Variants in ZNF366 observed in about 807,000 individuals in gnomAD.
ZNF366 encodes the protein zinc finger protein 366, also known as dendritic cell-specific transcript protein.
ZNF366 carries 20 observed loss-of-function variants against 47.2 expected under a neutral mutation model. The ratio of observed to expected loss-of-function variants is 0.42; its 90% CI spans 0.30 to 0.62. ZNF366 has a LOEUF of 0.62. Ranked by LOEUF, ZNF366 falls within the 20% of genes least tolerant of loss-of-function variation. The probability of loss-of-function intolerance (pLI) is 0.16; values close to 1 mark genes in which losing one functional copy is unlikely to be tolerated. For synonymous variants in ZNF366, 421 were observed against 395.1 expected, an observed-to-expected ratio of 1.07 and a Z score of -0.78; for missense variants, 987 against 976.3, an observed-to-expected ratio of 1.01 and a Z score of -0.15.
intron 1 of ZNF366, among the ~76,000 whole-genome samples, chr5:72,504,832 T>G (rs1444317632): frequency 1.3e-5 from 2 of 152,252 alleles, no homozygotes; most frequent in Non-Finnish European, 2.9e-5. Context: ...ATGCCGATAG[T>G]TGTATTTAAT....
At chr5:72,448,127 C>T (rs13177417) in intron 3 of ZNF366, among the ~76,000 whole-genome samples, 48,266 of 151,984 alleles carry the variant, frequency 0.32, 8,188 homozygotes, top group East Asian at 0.38. Context: ...TCAGACAATG[C>T]TTTTTAAGTT....
chr5:72,461,384 G>C lies in ZNF366; in HGVS notation c.113C>G (p.Ala38Gly), dbSNP rs773554768. Residue 38 changes from alanine (A) to glycine (G), a missense_variant, in exon 2 of 5, where the codon GCT becomes GGT. Ala to Gly is a moderately conservative substitution (Grantham distance 60). Around this residue, in one of 3 missense-constraint regions of ZNF366, gnomAD observed 591 missense variants for 560.9 expected, o/e 1.05. Transcript: ENST00000318442. The part of the protein sequence containing the change: ...CLQPVASRGK[A>G]PQRHPFPEAL... Reference sequence around the variant, plus strand: ...TTCCGGGAAGGGGTGTCTTTGGGGAGCCTTTCCCCGAGAAGCCACTGGCTG... The same window carrying C: ...TTCCGGGAAGGGGTGTCTTTGGGGACCCTTTCCCCGAGAAGCCACTGGCTG... 8 of 1,613,774 alleles carry C rather than the reference G, an allele frequency of 5.0e-6. No individual in the cohort carries two copies. The East Asian group carries it at 1.8e-4, about 36-fold the overall frequency.
intron 1 of ZNF366, among the ~76,000 whole-genome samples, chr5:72,478,784 G>A (rs1743725623): frequency 6.6e-6 from 1 of 152,152 alleles, no homozygotes; most frequent in Non-Finnish European, 1.5e-5. Flanking sequence ...GCCATTGAAA[G>A]GGTTTGCTCA....
intron 1 of ZNF366, among the ~76,000 whole-genome samples, chr5:72,479,926 C>T (rs1432115664): frequency 6.6e-6 from 1 of 152,198 alleles, no homozygotes; most frequent in African/African-American, 2.4e-5. Flanking sequence ...ACCAAGACTT[C>T]AGCCTGAGAA....
At position 72,460,929 on chromosome 5, in the gene ZNF366, C is replaced by T. The variant is rs373921722; in HGVS notation, c.568G>A (p.Val190Met). Residue 190 changes from valine (V) to methionine (M), a missense_variant, in exon 2 of 5, where the codon GTG becomes ATG. Physicochemically the swap from Val to Met is conservative, Grantham distance 21. Coordinates refer to ENST00000318442, the MANE Select transcript of ZNF366 (RefSeq NM_152625.3). ...VHPGLMFPFF[V>M]PSSSPFPFSR... ...AAGGGGAAGGGCGAGGACGAGGGCA[C>T]GAAGAAGGGGAACATGAGGCCCGGG... is the stretch of plus-strand genomic sequence containing the variant. The T allele has an allele frequency of 9.3e-6, 15 of 1,611,236 alleles. No individual in the cohort carries two copies. The Admixed American group carries it at 1.0e-4, about 11-fold the overall frequency.
chr5:72,504,977 G>A (rs1282768642), intron 1 of ZNF366, among the ~76,000 whole-genome samples: 1 of 152,196 alleles, frequency 6.6e-6, no homozygotes, highest in Non-Finnish European at 1.5e-5. Context: ...TACAACAACA[G>A]AGACTGTGCT....
intron 1 of ZNF366, among the ~76,000 whole-genome samples, chr5:72,502,762 G>C (rs899153089): frequency 1.3e-5 from 2 of 152,188 alleles, no homozygotes; most frequent in African/African-American, 4.8e-5. Context: ...CTTAGTATCT[G>C]TGTTTTTCTT....
chr5:72,441,711 GC>G lies in ZNF366; in HGVS notation c.*2044del, dbSNP rs1246154023. ...GCACCTTGGCCTACAGAAAAGGCCA[GC>G]CCCCAGCAGTTGGAGATGGACATGT... is the stretch of plus-strand genomic sequence containing the variant. On this transcript the variant is annotated 3_prime_UTR_variant, in exon 5 of 5. Transcript: ENST00000318442. 4 of 152,344 alleles carry G rather than the reference GC, an allele frequency of 2.6e-5. No individual in the cohort carries two copies. The highest frequency in any genetic ancestry group is 5.9e-5 in the Non-Finnish European group (4 of 68,160). 9.4% of individuals were successfully genotyped at this position (152,344 alleles called of 1,614,324 possible).
At chr5:72,481,909 G>A (rs1743796322) in intron 1 of ZNF366, among the ~76,000 whole-genome samples, 1 of 152,168 alleles carries the variant, frequency 6.6e-6, no homozygotes, top group African/African-American at 2.4e-5. Context: ...GCATGGGAAA[G>A]GGTTTCTGAT....
In ZNF366 at chr5:72,481,532, G is replaced by T. The variant is rs555485842; in HGVS notation, c.-14-20022C>A. Among the ~76,000 whole-genome samples the T allele has an allele frequency of 2.6e-5, 4 of 152,252 alleles. No individual in the cohort carries two copies. The South Asian group carries it at 8.3e-4, about 32-fold the overall frequency. On this transcript the variant is annotated intron_variant, in intron 1 of 4. Transcript: ENST00000318442. ...ACATCTCTATCATTTCCTTAGATTAGATTCTCTAGAAATAGAATTACAAAG... is the reference window on the plus strand; with the variant it reads ...ACATCTCTATCATTTCCTTAGATTATATTCTCTAGAAATAGAATTACAAAG...
At chr5:72,449,841 G>T (rs1336850545) in intron 3 of ZNF366, among the ~76,000 whole-genome samples, 2 of 152,210 alleles carry the variant, frequency 1.3e-5, no homozygotes, top group Non-Finnish European at 2.9e-5. Context: ...AGCCACGGAA[G>T]AATTGATCAA....
chr5:72,447,516 T>C, intron 3 of ZNF366, 99 bp from the exon 4 acceptor site: 1 of 1,413,922 alleles, frequency 7.1e-7, no homozygotes, highest in Non-Finnish European at 9.7e-7. Context: ...GTTTGGACAT[T>C]GACATTTTAA....
At chr5:72,482,267 A>G (rs1429317351) in intron 1 of ZNF366, among the ~76,000 whole-genome samples, 1 of 152,250 alleles carries the variant, frequency 6.6e-6, no homozygotes, top group Non-Finnish European at 1.5e-5. Flanking sequence ...CCCCAACATC[A>G]TGTAATGAGC....
chr5:72,454,034 C>T (rs2112321971), intron 3 of ZNF366, among the ~76,000 whole-genome samples: 1 of 152,328 alleles, frequency 6.6e-6, no homozygotes, highest in African/African-American at 2.4e-5. Flanking sequence ...GTGCCAGGCC[C>T]ATCTCTCCCA....
chr5:72,446,649 A>C (rs1252691432), intron 4 of ZNF366, among the ~76,000 whole-genome samples: 5 of 152,194 alleles, frequency 3.3e-5, no homozygotes, highest in East Asian at 1.9e-4. Flanking sequence ...CCTACCTACC[A>C]AGCAGGAAAA....
chr5:72,456,286 G>A (rs186292815), intron 3 of ZNF366, 118 bp downstream of exon 3: 501 of 1,134,192 alleles, frequency 4.4e-4, no homozygotes, highest in Non-Finnish European at 5.6e-4. Flanking sequence ...GGTTGGCCAC[G>A]GACCTACTCT....
At chr5:72,449,048 G>A (rs1461689618) in intron 3 of ZNF366, among the ~76,000 whole-genome samples, 18 of 152,102 alleles carry the variant, frequency 1.2e-4, no homozygotes, top group Non-Finnish European at 1.2e-4. Context: ...GACCTAAGAG[G>A]GGAAAAGGAT....
At chr5:72,454,765 A>T (rs538827004) in intron 3 of ZNF366, among the ~76,000 whole-genome samples, 41 of 152,284 alleles carry the variant, frequency 2.7e-4, no homozygotes, top group African/African-American at 9.9e-4. Context: ...GAGACAGTAA[A>T]CCCTTTGCAA....
In ZNF366 at chr5:72,441,784, T is replaced by C. The variant is rs1291707919; in HGVS notation, c.*1972A>G. 6.6e-6 allele frequency: 1 copy of C among 152,218 alleles called. No homozygotes were observed. The highest frequency in any genetic ancestry group is 1.5e-5 in the Non-Finnish European group (1 of 68,046). 9.4% of individuals were successfully genotyped at this position (152,218 alleles called of 1,614,324 possible). On this transcript the variant is annotated 3_prime_UTR_variant, in exon 5 of 5. Coordinates refer to ENST00000318442, the MANE Select transcript of ZNF366 (RefSeq NM_152625.3). ...AAATCTGGGATAGGATGAAGCACAA[T>C]AATAACCAGTACCTAGCTCTACAAA...
Sources: allele counts gnomAD v4.1 joint callset (sites outside exome capture counted in the v4.1 genomes callset), GRCh38; gene constraint gnomAD v4.1.1; regional missense constraint gnomAD v4.1.1; transcripts MANE v1.5; gene names NCBI Gene and HGNC (gene_info 2026-07-23, HGNC 2026-07-21).